The following ACACA variants were observed in gnomAD, a reference collection of about 807,000 sequenced individuals.
ACACA encodes acetyl-CoA carboxylase 1.
In ACACA, 103 loss-of-function variants were observed where a neutral mutation model predicts 296.1. The observed-to-expected ratio is 0.35, with a 90% CI of 0.30 to 0.41. ACACA has a LOEUF of 0.41. ACACA is among the 10% of genes least tolerant of loss of function. The pLI, the probability that ACACA is intolerant of heterozygous loss-of-function variation, is 1.00. For missense variants in ACACA, 1,554 were observed against 2,989.7 expected, an observed-to-expected ratio of 0.52 and a Z score of 11.20; for synonymous variants, 953 against 1,038.6, an observed-to-expected ratio of 0.92 and a Z score of 1.58.
intron 1 of ACACA, among the ~76,000 whole-genome samples, chr17:37,390,322 A>ATCTATATATCTATATATC (rs1555672346): frequency 5.3e-5 from 2 of 38,086 alleles, no homozygotes; most frequent in African/African-American, 1.2e-4. Context: ...ATATATATAT[A>ATCTATATATCTATATATC]TATATATATA....
chr17:37,151,591 A>G (rs2076040689), intron 43 of ACACA, among the ~76,000 whole-genome samples, 170 bp from the exon 44 acceptor site: 1 of 152,184 alleles, frequency 6.6e-6, no homozygotes. Context: ...TTTCCTTCTT[A>G]GCTTGGTGCC....
chr17:37,177,013 G>A lies in ACACA; in HGVS notation c.5079+2247C>T, dbSNP rs191476572. On this transcript the variant is annotated intron_variant, in intron 41 of 55. Transcript: ENST00000616317. The stretch of plus-strand genomic sequence containing the variant: ...AAGAAAAACAGAACAAAGAAAATAG[G>A]CAACTAAGGAGGGAAAACTGTAGAA... Among the ~76,000 whole-genome samples, 307 of 152,076 alleles carry A rather than the reference G, an allele frequency of 2.0e-3. 3 individuals are homozygous for A. The South Asian group carries it at 0.033, about 16-fold the overall frequency.
Position 37,155,671 on chromosome 17 carries a change from A to T in ACACA, c.5447+12T>A, listed in dbSNP as rs560922019. ...AGTCATGACCAAATTATTCCAATAC[A>T]TATATACCTACCTGGATTCTCCTTC... On this transcript the variant is annotated intron_variant, in intron 43 of 55. Coordinates refer to ENST00000616317, the MANE Select transcript of ACACA (RefSeq NM_198834.3). 1.9e-6 allele frequency: 3 copies of T among 1,571,192 alleles called. No individual in the cohort carries two copies. The Admixed American group carries it at 5.0e-5, about 26-fold the overall frequency.
chr17:37,344,392 T>C (rs1410443633), intron 1 of ACACA, among the ~76,000 whole-genome samples: 5 of 151,388 alleles, frequency 3.3e-5, no homozygotes, highest in African/African-American at 1.2e-4. Context: ...ACCCAGTCTC[T>C]ACTAAAAACA....
chr17:37,242,112 C>A, intron 22 of ACACA, 59 bp from the exon 23 acceptor site: 3 of 1,292,114 alleles, frequency 2.3e-6, no homozygotes, highest in Non-Finnish European at 3.4e-6. Context: ...CCCAAAGCAT[C>A]AGCCTCTATA....
chr17:37,115,058 C>A (rs1037718709), intron 50 of ACACA, among the ~76,000 whole-genome samples: 4 of 152,192 alleles, frequency 2.6e-5, no homozygotes, highest in African/African-American at 7.2e-5. Context: ...TTCAGAAATT[C>A]CAAGTTACCC....
intron 17 of ACACA, 40 bp downstream of exon 17, chr17:37,248,553 T>C (rs1458009676): frequency 5.4e-6 from 8 of 1,470,880 alleles, no homozygotes. Flanking sequence ...GAAAGATAGC[T>C]AAAAAAGTAA....
chr17:37,281,557 G>A (rs1416201268), intron 5 of ACACA, among the ~76,000 whole-genome samples: 1 of 152,134 alleles, frequency 6.6e-6, no homozygotes, highest in East Asian at 1.9e-4. Context: ...TGGAGTACCA[G>A]GTAGAAATGA....
intron 3 of ACACA, among the ~76,000 whole-genome samples, chr17:37,319,533 T>G (rs1055777665): frequency 5.3e-5 from 8 of 152,130 alleles, no homozygotes; most frequent in Non-Finnish European, 1.2e-4. Context: ...TAAAAAATAT[T>G]TTTTCTAGGC....
At chr17:37,131,283 G>C (rs1239644076) in intron 45 of ACACA, among the ~76,000 whole-genome samples, 1 of 152,134 alleles carries the variant, frequency 6.6e-6, no homozygotes, top group Admixed American at 6.5e-5. Flanking sequence ...CCTGGACTTG[G>C]AAATTGCAGG....
rs985381979 is a variant in ACACA at position 37,381,862 on chromosome 17, T to A, written c.38+24400A>T. 1.6e-3 allele frequency among the ~76,000 whole-genome samples: 243 copies of A among 150,492 alleles called. 1 individual carries two copies. The highest frequency in any genetic ancestry group is 5.0e-3 in the African/African-American group (203 of 40,446). On this transcript the variant is annotated intron_variant, in intron 1 of 55. Coordinates refer to ENST00000616317, the MANE Select transcript of ACACA (RefSeq NM_198834.3). ...CAGGATGGTCTCGATCGCCTGACCT[T>A]GTGATCTGCCCGCCTTGGCCTCCCA...
At chr17:37,098,408 G>C (rs370855823) in intron 52 of ACACA, among the ~76,000 whole-genome samples, 2 of 152,218 alleles carry the variant, frequency 1.3e-5, no homozygotes, top group Non-Finnish European at 2.9e-5. Context: ...TCCACACGTG[G>C]GATGTGGTGA....
intron 1 of ACACA, among the ~76,000 whole-genome samples, chr17:37,392,885 G>A (rs991164353): frequency 4.6e-5 from 7 of 152,110 alleles, no homozygotes; most frequent in Non-Finnish European, 8.8e-5. Flanking sequence ...GCTCACGCCT[G>A]TAATCCCAGC....
intron 33 of ACACA, among the ~76,000 whole-genome samples, chr17:37,202,930 T>C (rs1267096895): frequency 6.6e-6 from 1 of 151,402 alleles, no homozygotes; most frequent in Non-Finnish European, 1.5e-5. Flanking sequence ...TCATTAATGT[T>C]ACAAACATAT....
intron 30 of ACACA, among the ~76,000 whole-genome samples, chr17:37,208,879 T>C (rs1453704140): frequency 2.0e-5 from 3 of 152,210 alleles, no homozygotes; most frequent in East Asian, 3.8e-4. Context: ...TTTGGGGAAC[T>C]GCCCCAAAAA....
At chr17:37,173,593 T>C (rs1260438791) in intron 41 of ACACA, among the ~76,000 whole-genome samples, 3 of 152,182 alleles carry the variant, frequency 2.0e-5, no homozygotes, top group Admixed American at 6.5e-5. Flanking sequence ...GTCATATCAC[T>C]GTGTATTTTT....
intron 52 of ACACA, among the ~76,000 whole-genome samples, chr17:37,101,087 A>G (rs954492686): frequency 2.6e-5 from 3 of 115,276 alleles, no homozygotes; most frequent in African/African-American, 5.3e-5. Context: ...ACTGTCTCAG[A>G]AAAAAAAAAA....
chr17:37,368,758 T>C (rs2049698111), intron 1 of ACACA: 1 of 152,104 alleles, frequency 6.6e-6, no homozygotes, highest in African/African-American at 2.4e-5. Flanking sequence ...GGCTGGCACG[T>C]GTGAGTATGC....
chr17:37,208,632 C>A (rs905683606), intron 30 of ACACA, among the ~76,000 whole-genome samples: 1 of 152,126 alleles, frequency 6.6e-6, no homozygotes. Flanking sequence ...AGCTGCTAAA[C>A]GGAGATGCCT....
Sources: gnomAD v4.1 joint callset for allele counts (sites outside exome capture counted in the v4.1 genomes callset) on GRCh38, gnomAD v4.1.1 for gene constraint, MANE v1.5 for transcripts, NCBI Gene and HGNC (gene_info 2026-07-23, HGNC 2026-07-21) for gene names.